TASP1: variants seen among roughly 807,000 people sequenced by gnomAD.
TASP1 encodes the protein taspase 1.
A neutral mutation model predicts 56.6 loss-of-function variants in TASP1; 16 were observed. That is an observed-to-expected ratio of 0.28 (90% confidence interval 0.19 to 0.43). TASP1 has a LOEUF of 0.43. Ranked by LOEUF, TASP1 falls within the 20% of genes least tolerant of loss-of-function variation. TASP1 has a pLI of 1.00. For missense variants in TASP1, 393 were observed against 511.6 expected (o/e 0.77, Z 2.24); for synonymous variants, 179 against 184.2 (o/e 0.97, Z 0.23).
chr20:13,298,359 G>T, the TASP1 span, among the ~76,000 whole-genome samples: 1 of 151,988 alleles, frequency 6.6e-6, no homozygotes, highest in Non-Finnish European at 1.5e-5. Flanking sequence ...AAGATGATCC[G>T]CCCGCCTCAG....
At chr20:13,309,888 A>G in the TASP1 span, among the ~76,000 whole-genome samples, 3 of 152,218 alleles carry the variant, frequency 2.0e-5, no homozygotes, top group Non-Finnish European at 4.4e-5. Flanking sequence ...AACCAAATGG[A>G]TGAAAGATCT....
intron 12 of TASP1, among the ~76,000 whole-genome samples, chr20:13,431,578 T>C (rs2042807786): frequency 6.6e-6 from 1 of 152,120 alleles, no homozygotes; most frequent in Non-Finnish European, 1.5e-5. Context: ...ATAACAACAA[T>C]GGTATTGTTG....
chr20:13,344,702 C>T, the TASP1 span, among the ~76,000 whole-genome samples: 6 of 152,166 alleles, frequency 3.9e-5, no homozygotes, highest in East Asian at 1.9e-4. Flanking sequence ...AAGCCAAGTT[C>T]CCCGGCATCC....
the TASP1 span, among the ~76,000 whole-genome samples, chr20:13,264,147 A>G: frequency 1.3e-5 from 2 of 152,134 alleles, no homozygotes; most frequent in East Asian, 3.9e-4. Context: ...GGGAAGGAGG[A>G]GGGAGTTTGG....
chr20:13,462,809 A>C (rs2146358918), intron 11 of TASP1, among the ~76,000 whole-genome samples: 1 of 152,270 alleles, frequency 6.6e-6, no homozygotes, highest in South Asian at 2.1e-4. Flanking sequence ...CTTGTAAATA[A>C]ACTTAACCAA....
At chr20:13,174,869 G>A in the TASP1 span, among the ~76,000 whole-genome samples, 1 of 152,084 alleles carries the variant, frequency 6.6e-6, no homozygotes, top group Non-Finnish European at 1.5e-5. Context: ...CATGGGCAGG[G>A]TCAGGTGGAG....
At position 13,469,792 on chromosome 20, in the gene TASP1, C is replaced by CTTTTTTTTTTTTTTTTTTTTTT. The variant is rs546419566; in HGVS notation, c.985+13413_985+13434dup. 2.8e-4 allele frequency among the ~76,000 whole-genome samples: 11 copies of CTTTTTTTTTTTTTTTTTTTTTT among 39,546 alleles called. 2 individuals carry two copies. Among genetic ancestry groups the CTTTTTTTTTTTTTTTTTTTTTT allele is most frequent in the Non-Finnish European group, 3.7e-4 (8 of 21,466 alleles). 25.9% of individuals were successfully genotyped at this position (39,546 alleles called of 152,430 possible). ...ACAGTTGTCCAGGTCAATAAATGTC[C>CTTTTTTTTTTTTTTTTTTTTTT]TTTTTTTTTTTTTTTTTTTTTTTTT... On this transcript the variant is annotated intron_variant, in intron 11 of 13. Coordinates refer to ENST00000337743, the MANE Select transcript of TASP1 (RefSeq NM_017714.3).
chr20:13,270,380 T>C, the TASP1 span: 1 of 1,063,746 alleles, frequency 9.4e-7, no homozygotes, highest in Non-Finnish European at 1.3e-6. Flanking sequence ...AAGTTTGGAA[T>C]GCCCTACTGG....
At chr20:13,159,951 G>A in the TASP1 span, 1 of 1,448,760 alleles carries the variant, frequency 6.9e-7, no homozygotes, top group Non-Finnish European at 9.2e-7. Context: ...GGATAATTTT[G>A]TCTTTTCCCA....
At chr20:13,360,157 C>T in the TASP1 span, among the ~76,000 whole-genome samples, 8 of 152,154 alleles carry the variant, frequency 5.3e-5, no homozygotes, top group East Asian at 1.5e-3. Context: ...CTCCTATCCT[C>T]AATACCTGCC....
chr20:13,351,773 T>C, the TASP1 span, among the ~76,000 whole-genome samples: 25 of 152,316 alleles, frequency 1.6e-4, no homozygotes, highest in African/African-American at 5.8e-4. Flanking sequence ...TTTTGCTCTA[T>C]ATAAATTGAA....
At chr20:13,298,489 G>A in the TASP1 span, among the ~76,000 whole-genome samples, 6 of 152,082 alleles carry the variant, frequency 3.9e-5, no homozygotes, top group African/African-American at 7.2e-5. Flanking sequence ...ATCGGATCAC[G>A]GTTATCTAGG....
intron 8 of TASP1, among the ~76,000 whole-genome samples, chr20:13,547,176 C>T (rs2045838946): frequency 6.6e-6 from 1 of 152,130 alleles, no homozygotes; most frequent in African/African-American, 2.4e-5. Context: ...TATGGACATA[C>T]ACAAACAAAA....
At chr20:13,630,271 A>G (rs1380051058) in intron 1 of TASP1, 119 bp from the exon 2 acceptor site, 5 of 545,380 alleles carry the variant, frequency 9.2e-6, no homozygotes, top group Middle Eastern at 4.7e-4. Flanking sequence ...TAATTGAGCA[A>G]TACAAAAAAG....
At chr20:13,255,999 G>A in the TASP1 span, among the ~76,000 whole-genome samples, 1 of 151,888 alleles carries the variant, frequency 6.6e-6, no homozygotes. Flanking sequence ...AAACCGTGAA[G>A]ATCCACCAGG....
the TASP1 span, among the ~76,000 whole-genome samples, chr20:13,339,347 T>C: frequency 2.0e-5 from 3 of 152,204 alleles, no homozygotes; most frequent in Non-Finnish European, 4.4e-5. Context: ...ATTTTTACCC[T>C]CTGCCTGAAA....
At chr20:13,311,239 TAGATGATAGATAGATA>T in the TASP1 span, among the ~76,000 whole-genome samples, 1 of 110,282 alleles carries the variant, frequency 9.1e-6, no homozygotes, top group African/African-American at 3.4e-5. Context: ...GATAGATAGA[TAGATGATAGATAGATA>T]GATAGATAGA....
chr20:13,484,669 G>A (rs2043257817), intron 10 of TASP1, among the ~76,000 whole-genome samples: 1 of 149,008 alleles, frequency 6.7e-6, no homozygotes, highest in Non-Finnish European at 1.5e-5. Flanking sequence ...CTGGTAGGCG[G>A]AGTTTGCTGT....
At chr20:13,190,737 T>C in the TASP1 span, among the ~76,000 whole-genome samples, 1 of 152,070 alleles carries the variant, frequency 6.6e-6, no homozygotes, top group Non-Finnish European at 1.5e-5. Flanking sequence ...ACAAATGGAA[T>C]TATATCAAAC....
Sources: allele counts gnomAD v4.1 joint callset (sites outside exome capture counted in the v4.1 genomes callset), GRCh38; gene constraint gnomAD v4.1.1; transcripts MANE v1.5; gene names NCBI Gene and HGNC (gene_info 2026-07-23, HGNC 2026-07-21).